PTCD1: variants seen among roughly 807,000 people sequenced by gnomAD.
PTCD1 encodes the protein pentatricopeptide repeat-containing protein 1, mitochondrial.
A neutral mutation model predicts 53.4 loss-of-function variants in PTCD1; 50 were observed. The observed-to-expected ratio is 0.94, with a 90% CI of 0.75 to 1.19. The LOEUF is 1.19. Ranked by LOEUF, PTCD1 falls within the 50% of genes most tolerant of loss-of-function variation. The pLI, the probability that PTCD1 is intolerant of heterozygous loss-of-function variation, is 0.00. For missense variants in PTCD1, 918 were observed against 904.8 expected (o/e 1.01, Z -0.19); for synonymous variants, 413 against 394.8 (o/e 1.05, Z -0.55).
In PTCD1 at chr7:99,416,919, G is replaced by A. The variant is rs992606320; in HGVS notation, c.*3048C>T. On this transcript the variant is annotated 3_prime_UTR_variant, in exon 8 of 8. Transcript: ENST00000292478. ...AATTTTTTGTGGAGATGGGCCCTTG[G>A]CCCAGGCTGGTTTCTTAACTCAAAT... The A allele has an allele frequency of 6.2e-6, 1 of 162,364 alleles. No homozygotes were observed. Among genetic ancestry groups the A allele is most frequent in the Admixed American group, 5.8e-5 (1 of 17,246 alleles). 10.1% of individuals were successfully genotyped at this position (162,364 alleles called of 1,614,324 possible). A position where few individuals can be genotyped will look rare whatever the true frequency, so the allele number is the denominator to read the frequency against.
rs1224335175 is a variant in PTCD1, at chr7:99,438,752, A to AGTCTCTTCCTCGGGTCCCC, written c.-106_-88dup. Reference sequence around the variant, plus strand: ...CCCTGCCCGGTCCCCGCGGCGAACCAGTCTCTTCCTCGGGTCCCCCTCTCC... The same window carrying AGTCTCTTCCTCGGGTCCCC: ...CCCTGCCCGGTCCCCGCGGCGAACCAGTCTCTTCCTCGGGTCCCCGTCTCTTCCTCGGGTCCCCCTCTCC... On this transcript the variant is annotated 5_prime_UTR_variant, in exon 1 of 8. Transcript: ENST00000292478. 68 of 1,325,790 alleles carry AGTCTCTTCCTCGGGTCCCC rather than the reference A, an allele frequency of 5.1e-5. No individual in the cohort carries two copies. Among genetic ancestry groups the AGTCTCTTCCTCGGGTCCCC allele is most frequent in the Non-Finnish European group, 6.4e-5 (65 of 1,014,632 alleles). The allele number at this position is 1,325,790 out of a possible 1,614,324, so 82.1% of individuals were successfully genotyped here.
chr7:99,436,277 T>C (rs2150962654), intron 1 of PTCD1, among the ~76,000 whole-genome samples: 1 of 152,040 alleles, frequency 6.6e-6, no homozygotes, highest in East Asian at 1.9e-4. Context: ...ATTAGAAGGT[T>C]GCGATTGGAA....
Position 99,435,048 on chromosome 7 carries a change from G to A in PTCD1, c.195C>T (p.Ser65=). The change falls in exon 2 of 8, where the codon AGC becomes AGT. Residue 65 remains serine (S), a synonymous_variant. Coordinates refer to ENST00000292478, the MANE Select transcript of PTCD1 (RefSeq NM_015545.4). ...LGQERQENTG[S]LGSDPSHSNS... is the part of the protein sequence containing the mutation. ...TGGAGTGGCTCGGGTCAGAGCCCAG[G>A]CTGCCCGTGTTTTCCTGACGCTCCT... is the stretch of plus-strand genomic sequence containing the variant. The A allele has an allele frequency of 6.2e-7, 1 of 1,613,202 alleles. No homozygotes were observed. The highest frequency in any genetic ancestry group is 8.5e-7 in the Non-Finnish European group (1 of 1,179,646).
intron 3 of PTCD1, among the ~76,000 whole-genome samples, chr7:99,431,614 G>A (rs1431406653): frequency 5.3e-5 from 8 of 152,108 alleles, no homozygotes; most frequent in East Asian, 2.0e-4. Context: ...TGGCATGTGC[G>A]CCTGTAGTCC....
rs1584462145 is a variant in PTCD1 at position 99,429,734 on chromosome 7, A to C, written c.667T>G (p.Trp223Gly). ...ALFNVCAESP[W>G]KDSALQSALK... ...GCGCTCTGTAGAGCTGAGTCCTTCC[A>C]GGGGGACTCGGCACAGACGTTGAAC... The change falls in exon 4 of 8, where the codon TGG becomes GGG. Residue 223 changes from tryptophan to glycine, a missense_variant. Physicochemically the swap from Trp to Gly is radical, Grantham distance 184 (BLOSUM62 -2). Transcript: ENST00000292478. 1 of 1,614,218 alleles carries C rather than the reference A, an allele frequency of 6.2e-7. No homozygotes were observed. The highest frequency in any genetic ancestry group is 8.5e-7 in the Non-Finnish European group (1 of 1,180,040).
chr7:99,419,355 G>T lies in PTCD1; in HGVS notation c.*612C>A. 6.2e-7 allele frequency: 1 copy of T among 1,611,020 alleles called. No homozygotes were observed. On this transcript the variant is annotated 3_prime_UTR_variant, in exon 8 of 8. Transcript: ENST00000292478. ...GTGAGTGTGCAGGGGCGAGCGTGGC[G>T]CAGTGGCATCGTCTCACTGTCCTCC...
Position 99,425,510 on chromosome 7 carries a change from G to A in PTCD1, c.1022C>T (p.Ser341Leu), listed in dbSNP as rs1240012176. Residue 341 changes from serine to leucine, a missense_variant, in exon 6 of 8, where the codon TCA becomes TTA. Ser to Leu is a moderately radical substitution (Grantham distance 145). Transcript: ENST00000292478. ...CTCCCTGGGCTTCAGAAGCAGCTCT[G>A]AGGCCACCTGGGGGTCCCCTAGGCC... The part of the protein sequence containing the change: ...DCGLGDPQVA[S>L]ELLLKPREEA... 1.2e-6 allele frequency: 2 copies of A among 1,612,378 alleles called. No individual in the cohort carries two copies. The highest frequency in any genetic ancestry group is 2.7e-5 in the African/African-American group (2 of 74,912).
intron 1 of PTCD1, among the ~76,000 whole-genome samples, chr7:99,436,628 C>A (rs1796476626): frequency 6.6e-6 from 1 of 151,946 alleles, no homozygotes. Context: ...ACAACAACAA[C>A]AACAACAAAC....
chr7:99,422,239 A>T (rs1252492776), intron 7 of PTCD1, among the ~76,000 whole-genome samples: 2 of 152,350 alleles, frequency 1.3e-5, no homozygotes, highest in East Asian at 3.9e-4. Context: ...GAAGCCCTCA[A>T]AATGGCATTC....
rs1458898423 is a variant in PTCD1 at position 99,434,831 on chromosome 7, A to C, written c.412T>G (p.Trp138Gly). Residue 138 changes from tryptophan to glycine, a missense_variant, in exon 2 of 8, where the codon TGG (tryptophan) becomes GGG (glycine). Coordinates refer to ENST00000292478, the MANE Select transcript of PTCD1 (RefSeq NM_015545.4). Reference sequence around the variant, plus strand: ...AGGTGTTTGCACTGCAAGAAGTACCAGTACGGGGTGTTTCTCCGGCCTCGC... The same window carrying C: ...AGGTGTTTGCACTGCAAGAAGTACCCGTACGGGGTGTTTCTCCGGCCTCGC... ...LWRGRRNTPY[W>G]YFLQCKHLIK... 6.2e-7 allele frequency: 1 copy of C among 1,614,160 alleles called. No individual in the cohort carries two copies. The highest frequency in any genetic ancestry group is 1.1e-5 in the South Asian group (1 of 91,088).
Position 99,417,816 on chromosome 7 carries a change from T to A in PTCD1, c.*2151A>T. 6.7e-7 allele frequency: 1 copy of A among 1,497,168 alleles called. No individual in the cohort carries two copies. The allele number at this position is 1,497,168 out of a possible 1,614,324, so 92.7% of individuals were successfully genotyped here. ...GTCTGGGGTCAATCTCAACTCCACT[T>A]TTGGGCAAATTACTGAACCCCTTTC... On this transcript the variant is annotated 3_prime_UTR_variant, in exon 8 of 8. Transcript: ENST00000292478.
rs1795707391 is a variant in PTCD1, at chr7:99,419,610, C to G, written c.*357G>C. 3 of 852,998 alleles carry G rather than the reference C, an allele frequency of 3.5e-6. No individual in the cohort carries two copies. Among genetic ancestry groups the G allele is most frequent in the Non-Finnish European group, 5.4e-6 (3 of 559,758 alleles). The allele number at this position is 852,998 out of a possible 1,614,324, so 52.8% of individuals were successfully genotyped here. ...ATTTGTAAAAATAAAATCTTTAAAT[C>G]TCTCGAGCCCCACGTCTCTTCTTTC... On this transcript the variant is annotated 3_prime_UTR_variant, in exon 8 of 8. Coordinates refer to ENST00000292478, the MANE Select transcript of PTCD1 (RefSeq NM_015545.4).
intron 5 of PTCD1, among the ~76,000 whole-genome samples, chr7:99,427,674 T>C (rs1584459763): frequency 6.6e-6 from 1 of 151,598 alleles, no homozygotes; most frequent in Non-Finnish European, 1.5e-5. Context: ...GGGGGAAAGG[T>C]GGGGAAAAGA....
At chr7:99,437,563 G>A (rs951733911) in intron 1 of PTCD1, among the ~76,000 whole-genome samples, 5 of 152,022 alleles carry the variant, frequency 3.3e-5, no homozygotes, top group East Asian at 1.9e-4. Flanking sequence ...TCGGCCTCCC[G>A]AAGTGCTGGG....
Position 99,419,741 on chromosome 7 carries a change from G to A in PTCD1, c.*226C>T. ...TGACACACAAAGGTAGCTGGAGCTG[G>A]AAGTCCCGTGAAGGTGACACGCAAA... is the stretch of plus-strand genomic sequence containing the variant. On this transcript the variant is annotated 3_prime_UTR_variant, in exon 8 of 8. Coordinates refer to ENST00000292478, the MANE Select transcript of PTCD1 (RefSeq NM_015545.4). 1.4e-6 allele frequency: 1 copy of A among 732,030 alleles called. No individual in the cohort carries two copies. Among genetic ancestry groups the A allele is most frequent in the Non-Finnish European group, 2.2e-6 (1 of 455,608 alleles). The allele number at this position is 732,030 out of a possible 1,614,324, so 45.3% of individuals were successfully genotyped here.
chr7:99,419,838 C>T lies in PTCD1; in HGVS notation c.*129G>A. The T allele has an allele frequency of 6.6e-7, 1 of 1,508,790 alleles. No individual in the cohort carries two copies. 93.5% of individuals were successfully genotyped at this position (1,508,790 alleles called of 1,614,324 possible). On this transcript the variant is annotated 3_prime_UTR_variant, in exon 8 of 8. Transcript: ENST00000292478. ...GGCCTAGTGTGTGTCCTCACCAACA[C>T]CTGTGACACGCTGCGGCTGTTCCTC...
At chr7:99,426,986 C>G (rs1328045053) in intron 5 of PTCD1, among the ~76,000 whole-genome samples, 1 of 151,860 alleles carries the variant, frequency 6.6e-6, no homozygotes, top group Admixed American at 6.5e-5. Flanking sequence ...CTGGCAGCCG[C>G]CCCGTCTGAG....
chr7:99,419,245 T>C lies in PTCD1; in HGVS notation c.*722A>G. 2 of 929,056 alleles carry C rather than the reference T, an allele frequency of 2.2e-6. No homozygotes were observed. Among genetic ancestry groups the C allele is most frequent in the Non-Finnish European group, 1.6e-6 (1 of 611,806 alleles). 57.6% of individuals were successfully genotyped at this position (929,056 alleles called of 1,614,324 possible). A position where few individuals can be genotyped will look rare whatever the true frequency, so the allele number is the denominator to read the frequency against. On this transcript the variant is annotated 3_prime_UTR_variant, in exon 8 of 8. Coordinates refer to ENST00000292478, the MANE Select transcript of PTCD1 (RefSeq NM_015545.4). ...CTTCATGAGGGAGCCAAATTTTCCC[T>C]GTCCAGAGCTGTCAAGGAAGGGTTT... is the stretch of plus-strand genomic sequence containing the variant.
chr7:99,431,108 A>C (rs1051508042), intron 3 of PTCD1, among the ~76,000 whole-genome samples: 4 of 151,878 alleles, frequency 2.6e-5, no homozygotes, highest in Admixed American at 1.3e-4. Context: ...AAAATAAATA[A>C]AAACAATAAA....
Sources: allele counts gnomAD v4.1 joint callset (sites outside exome capture counted in the v4.1 genomes callset), GRCh38; gene constraint gnomAD v4.1.1; transcripts MANE v1.5; gene names NCBI Gene and HGNC (gene_info 2026-07-23, HGNC 2026-07-21).